The following RANBP9 variants were observed in gnomAD, a reference collection of about 807,000 sequenced individuals.
RANBP9 encodes ran-binding protein 9.
A neutral mutation model predicts 84.3 loss-of-function variants in RANBP9; 15 were observed. The observed-to-expected ratio is 0.18, with a 90% CI of 0.12 to 0.27. RANBP9 has a LOEUF of 0.27. Ranked by LOEUF, RANBP9 falls within the 10% of genes least tolerant of loss-of-function variation. The probability of loss-of-function intolerance (pLI) is 1.00; values close to 1 mark genes in which losing one functional copy is unlikely to be tolerated. For synonymous variants in RANBP9, 392 were observed against 349.6 expected (o/e 1.12, Z -1.35); for missense variants, 809 against 912.8 (o/e 0.89, Z 1.46).
At chr6:13,655,481 T>C (rs1765377821) in intron 4 of RANBP9, among the ~76,000 whole-genome samples, 1 of 152,006 alleles carries the variant, frequency 6.6e-6, no homozygotes, top group Non-Finnish European at 1.5e-5. Context: ...ATTAAATAAA[T>C]AAAATAAACA....
At chr6:13,650,850 G>C (rs1301550691) in intron 5 of RANBP9, among the ~76,000 whole-genome samples, 1 of 152,128 alleles carries the variant, frequency 6.6e-6, no homozygotes, top group Non-Finnish European at 1.5e-5. Flanking sequence ...TGTGGTCCCA[G>C]CTACTTGGGA....
At chr6:13,679,915 T>C (rs1765988892) in intron 2 of RANBP9, among the ~76,000 whole-genome samples, 1 of 152,094 alleles carries the variant, frequency 6.6e-6, no homozygotes, top group Non-Finnish European at 1.5e-5. Context: ...CAATTTTTAA[T>C]ATAAATCGGT....
In RANBP9 at chr6:13,711,421, G is replaced by C. The variant is rs1264955565; in HGVS notation, c.85C>G (p.Pro29Ala). 32 of 1,191,244 alleles carry C rather than the reference G, an allele frequency of 2.7e-5. 1 individual carries two copies. Among genetic ancestry groups the C allele is most frequent in the Middle Eastern group, 6.7e-4 (2 of 3,002 alleles). The allele number at this position is 1,191,244 out of a possible 1,614,324, so 73.8% of individuals were successfully genotyped here. A position where few individuals can be genotyped will look rare whatever the true frequency, so the allele number is the denominator to read the frequency against. ...GCCGGCAGGACGACTCCGGAGACTGGGGCCAAGGCCGCCGGCGGTGGCGGC... is the reference window on the plus strand; with the variant it reads ...GCCGGCAGGACGACTCCGGAGACTGCGGCCAAGGCCGCCGGCGGTGGCGGC... ...LSPPPPAALA[P>A]VSGVVLPAPP... Residue 29 changes from proline (P) to alanine (A), a missense_variant, in exon 1 of 14, where the codon CCA becomes GCA. By Grantham distance (27) the Pro-to-Ala change is conservative (BLOSUM62 -1). Around this residue, in one of 5 missense-constraint regions of RANBP9, gnomAD observed 302 missense variants for 240.1 expected, o/e 1.26. Coordinates refer to ENST00000011619, the MANE Select transcript of RANBP9 (RefSeq NM_005493.3).
intron 12 of RANBP9, among the ~76,000 whole-genome samples, chr6:13,626,784 G>A (rs767357162): frequency 6.6e-6 from 1 of 152,280 alleles, no homozygotes; most frequent in Non-Finnish European, 1.5e-5. Flanking sequence ...AGGTTCAGCT[G>A]CTCAAAAAAC....
Position 13,701,866 on chromosome 6 carries a change from G to A in RANBP9, c.572-4970C>T, listed in dbSNP as rs77911532. On this transcript the variant is annotated intron_variant, in intron 1 of 13. Transcript: ENST00000011619. Reference sequence around the variant, plus strand: ...TTATTACAAAGTGATCTATGTCCACGGCAGTCTTCACCTCTTCCACTATTA... The same window carrying A: ...TTATTACAAAGTGATCTATGTCCACAGCAGTCTTCACCTCTTCCACTATTA... Among the ~76,000 whole-genome samples the A allele has an allele frequency of 1.0e-2, 1,513 of 151,962 alleles. 23 individuals carry two copies. Among genetic ancestry groups the A allele is most frequent in the African/African-American group, 0.033 (1,362 of 41,432 alleles).
chr6:13,671,682 T>C (rs1409749693), intron 2 of RANBP9, among the ~76,000 whole-genome samples: 2 of 152,134 alleles, frequency 1.3e-5, no homozygotes, highest in Non-Finnish European at 2.9e-5. Context: ...CAAAAATGTT[T>C]AAAAATTAAA....
chr6:13,710,877 G>C (rs1758259445), intron 1 of RANBP9, 58 bp downstream of exon 1: 3 of 1,512,446 alleles, frequency 2.0e-6, no homozygotes, highest in Non-Finnish European at 2.7e-6. Flanking sequence ...GCGGCGCAGC[G>C]GCGGCCGGCC....
intron 2 of RANBP9, among the ~76,000 whole-genome samples, chr6:13,679,248 C>T (rs1002859129): frequency 6.6e-6 from 1 of 152,186 alleles, no homozygotes. Context: ...CTGCATCTTT[C>T]TCCCATTACC....
intron 8 of RANBP9, among the ~76,000 whole-genome samples, chr6:13,640,146 C>G (rs560154024): frequency 6.6e-6 from 1 of 152,284 alleles, no homozygotes; most frequent in Non-Finnish European, 1.5e-5. Flanking sequence ...CGTAGCCTTT[C>G]TCCCCACCCG....
At chr6:13,696,724 A>G in intron 2 of RANBP9, 61 bp downstream of exon 2, 1 of 1,384,994 alleles carries the variant, frequency 7.2e-7, no homozygotes, top group South Asian at 1.2e-5. Flanking sequence ...ATTACATCAT[A>G]AACATTATGA....
In RANBP9 at chr6:13,697,007, C is replaced by G. The variant is rs77250288; in HGVS notation, c.572-111G>C. On this transcript the variant is annotated intron_variant, in intron 1 of 13. Coordinates refer to ENST00000011619, the MANE Select transcript of RANBP9 (RefSeq NM_005493.3). ...TTTTTGGAATGATGTATTATTTCTG[C>G]TCCTATCAGTTCAAATACTCAATAA... The G allele has an allele frequency of 7.2e-6, 6 of 828,022 alleles. No individual in the cohort carries two copies. The African/African-American group carries it at 1.0e-4, about 14-fold the overall frequency. The allele number at this position is 828,022 out of a possible 1,614,324, so 51.3% of individuals were successfully genotyped here.
intron 2 of RANBP9, among the ~76,000 whole-genome samples, chr6:13,671,245 G>A (rs1446834911): frequency 6.6e-6 from 1 of 152,094 alleles, no homozygotes; most frequent in Admixed American, 6.6e-5. Context: ...AAACCGTCTG[G>A]CAGCTCCTCA....
chr6:13,639,896 G>A (rs1765024009), intron 8 of RANBP9, 143 bp from the exon 9 acceptor site: 1 of 697,402 alleles, frequency 1.4e-6, no homozygotes, highest in Non-Finnish European at 2.3e-6. Flanking sequence ...TAAATATGGT[G>A]TCCTATGCTT....
At chr6:13,639,429 T>G in intron 9 of RANBP9, 134 bp downstream of exon 9, 1 of 933,420 alleles carries the variant, frequency 1.1e-6, no homozygotes, top group Non-Finnish European at 1.6e-6. Flanking sequence ...CCGCCCACCC[T>G]GGCCTCCCAA....
rs1233033304 is a variant in RANBP9, at chr6:13,711,819, T to C, written c.-314A>G. 4.9e-5 allele frequency among the ~76,000 whole-genome samples: 7 copies of C among 144,304 alleles called. No homozygotes were observed. The highest frequency in any genetic ancestry group is 2.7e-4 in the Admixed American group (4 of 14,674). 94.7% of individuals were successfully genotyped at this position (144,304 alleles called of 152,430 possible). A position where few individuals can be genotyped will look rare whatever the true frequency, so the allele number is the denominator to read the frequency against. On this transcript the variant is annotated 5_prime_UTR_variant, in exon 1 of 14. Transcript: ENST00000011619. ...GCGCGCTGGCGGCCGCCGCGGCCGCTGCTCTCGCGGCTGTTTCCCGGCGGG... is the reference window on the plus strand; with the variant it reads ...GCGCGCTGGCGGCCGCCGCGGCCGCCGCTCTCGCGGCTGTTTCCCGGCGGG...
In RANBP9 at chr6:13,667,156, G is replaced by A. The variant is rs372461481; in HGVS notation, c.684-8324C>T. 7.2e-5 allele frequency among the ~76,000 whole-genome samples: 11 copies of A among 152,242 alleles called. No individual in the cohort carries two copies. In the East Asian group the frequency reaches 2.1e-3, roughly 29 times the overall value. The stretch of plus-strand genomic sequence containing the variant: ...GTCAACGTAGATCATCACAAATTAT[G>A]CATTTATTAACAGTTATGTAAGTAA... On this transcript the variant is annotated intron_variant, in intron 2 of 13. Coordinates refer to ENST00000011619, the MANE Select transcript of RANBP9 (RefSeq NM_005493.3).
At chr6:13,626,995 G>A (rs1346164679) in intron 12 of RANBP9, among the ~76,000 whole-genome samples, 2 of 152,142 alleles carry the variant, frequency 1.3e-5, no homozygotes, top group Admixed American at 6.5e-5. Flanking sequence ...TGGAATACAC[G>A]TGCCTCTACG....
intron 2 of RANBP9, among the ~76,000 whole-genome samples, chr6:13,689,977 A>G (rs1273068511): frequency 6.6e-6 from 1 of 152,196 alleles, no homozygotes; most frequent in Non-Finnish European, 1.5e-5. Context: ...CAGACCAGGT[A>G]TGTAGTAGGT....
intron 12 of RANBP9, among the ~76,000 whole-genome samples, chr6:13,627,518 T>C (rs773597823): frequency 1.3e-5 from 2 of 149,832 alleles, no homozygotes; most frequent in Admixed American, 6.7e-5. Flanking sequence ...TAATCTCAGC[T>C]ACTCGGGAGG....
Sources: allele counts gnomAD v4.1 joint callset (sites outside exome capture counted in the v4.1 genomes callset), GRCh38; gene constraint gnomAD v4.1.1; regional missense constraint gnomAD v4.1.1; transcripts MANE v1.5; gene names NCBI Gene and HGNC (gene_info 2026-07-23, HGNC 2026-07-21).